Variants in UNC13C observed in about 807,000 individuals in gnomAD.
UNC13C encodes the protein protein unc-13 homolog C.
A neutral mutation model predicts 245.4 loss-of-function variants in UNC13C; 174 were observed. The observed-to-expected ratio is 0.71, with a 90% CI of 0.63 to 0.80. The LOEUF (loss-of-function observed/expected upper bound fraction) is 0.80, where lower values mean the gene tolerates loss of function less well. Among genes scored for constraint, UNC13C ranks in the 30% least tolerant of loss-of-function variants. The pLI is 0.00. For synonymous variants in UNC13C, 992 were observed against 895.1 expected (o/e 1.11, Z -1.93); for missense variants, 2,829 against 2,602.9 (o/e 1.09, Z -1.89).
intron 16 of UNC13C, among the ~76,000 whole-genome samples, chr15:54,335,900 C>T (rs1228938291): frequency 6.6e-6 from 1 of 151,998 alleles, no homozygotes; most frequent in Non-Finnish European, 1.5e-5. Flanking sequence ...GTGAGAGTCC[C>T]AATTGTTCTG....
the UNC13C span, among the ~76,000 whole-genome samples, chr15:53,968,864 C>T: frequency 6.6e-6 from 1 of 152,110 alleles, no homozygotes; most frequent in Non-Finnish European, 1.5e-5. Flanking sequence ...TTTTGAAAAC[C>T]AGCAGATTTA....
chr15:54,094,373 C>T (rs896178994), intron 2 of UNC13C, among the ~76,000 whole-genome samples: 6 of 152,234 alleles, frequency 3.9e-5, no homozygotes, highest in South Asian at 4.2e-4. Flanking sequence ...ATCTTGATAT[C>T]TGCTTCTTGG....
At chr15:53,891,054 G>T in the UNC13C span, among the ~76,000 whole-genome samples, 1 of 152,088 alleles carries the variant, frequency 6.6e-6, no homozygotes, top group East Asian at 1.9e-4. Context: ...GGAGATTCTG[G>T]TATGTTGTGT....
At chr15:54,249,956 A>G (rs951269630) in intron 7 of UNC13C, among the ~76,000 whole-genome samples, 6 of 152,144 alleles carry the variant, frequency 3.9e-5, no homozygotes, top group African/African-American at 1.4e-4. Flanking sequence ...TGCTGCTGGG[A>G]AAGAAGCTGC....
intron 30 of UNC13C, 51 bp downstream of exon 30, chr15:54,567,998 A>G: frequency 7.6e-7 from 1 of 1,321,718 alleles, no homozygotes; most frequent in Non-Finnish European, 1.0e-6. Flanking sequence ...ACTAAAATAA[A>G]ATTTAACATC....
At chr15:54,251,320 T>C (rs1344786025) in intron 8 of UNC13C, among the ~76,000 whole-genome samples, 1 of 152,182 alleles carries the variant, frequency 6.6e-6, no homozygotes, top group African/African-American at 2.4e-5. Context: ...GAAAATATTT[T>C]AACTTCTTGA....
chr15:54,587,253 G>A (rs1180582532), intron 30 of UNC13C, among the ~76,000 whole-genome samples: 1 of 148,558 alleles, frequency 6.7e-6, no homozygotes, highest in East Asian at 1.9e-4. Context: ...GTTGTGTCAT[G>A]TTGATTTTAC....
At chr15:54,515,664 A>G (rs1293405692) in intron 24 of UNC13C, among the ~76,000 whole-genome samples, 3 of 152,150 alleles carry the variant, frequency 2.0e-5, no homozygotes, top group Admixed American at 6.5e-5. Context: ...TATTGGTGCA[A>G]TCGTTTTAAA....
chr15:54,394,684 A>G (rs1187055045), intron 18 of UNC13C, among the ~76,000 whole-genome samples: 3 of 151,930 alleles, frequency 2.0e-5, no homozygotes, highest in African/African-American at 4.8e-5. Context: ...TGAGAAACAC[A>G]AATTCAGTTC....
intron 30 of UNC13C, among the ~76,000 whole-genome samples, chr15:54,580,477 G>A (rs976360991): frequency 3.3e-5 from 5 of 152,236 alleles, no homozygotes; most frequent in Non-Finnish European, 1.5e-5. Flanking sequence ...ACAGGTGAAT[G>A]GAGAGCTATA....
Position 54,024,839 on chromosome 15 carries a change from C to T in UNC13C, c.2983+8953C>T, listed in dbSNP as rs555312209. Among the ~76,000 whole-genome samples the T allele has an allele frequency of 8.1e-4, 123 of 152,076 alleles. 6 individuals carry two copies. The South Asian group carries it at 0.025, about 31-fold the overall frequency. Reference sequence around the variant, plus strand: ...CTGAAGCAGGAGAATGGCGTGAACCCGGGAGGCGGCGCTTGCAGTGAGCCG... The same window carrying T: ...CTGAAGCAGGAGAATGGCGTGAACCTGGGAGGCGGCGCTTGCAGTGAGCCG... On this transcript the variant is annotated intron_variant, in intron 2 of 32. Transcript: ENST00000260323.
the UNC13C span, among the ~76,000 whole-genome samples, chr15:53,921,431 T>C: frequency 6.6e-6 from 1 of 152,218 alleles, no homozygotes; most frequent in African/African-American, 2.4e-5. Flanking sequence ...GACATTTCAT[T>C]GTCAAGATGA....
chr15:54,344,277 T>C (rs1168256977), intron 17 of UNC13C, among the ~76,000 whole-genome samples: 1 of 152,204 alleles, frequency 6.6e-6, no homozygotes, highest in Admixed American at 6.5e-5. Flanking sequence ...ACAACAATGA[T>C]AAACGAACAG....
intron 26 of UNC13C, among the ~76,000 whole-genome samples, chr15:54,536,060 A>T (rs1482175466): frequency 2.0e-5 from 3 of 152,114 alleles, no homozygotes; most frequent in Non-Finnish European, 2.9e-5. Context: ...TTTTGAAAGC[A>T]TAAATAAGAT....
intron 2 of UNC13C, among the ~76,000 whole-genome samples, chr15:54,019,173 A>G (rs945848131): frequency 8.5e-5 from 13 of 152,216 alleles, no homozygotes; most frequent in Non-Finnish European, 1.5e-5. Flanking sequence ...CTGAAAACTT[A>G]CCTAGCTTAA....
Position 54,152,775 on chromosome 15 carries a change from G to A in UNC13C, c.3071+9091G>A, listed in dbSNP as rs567781231. Among the ~76,000 whole-genome samples, 3 of 152,012 alleles carry A rather than the reference G, an allele frequency of 2.0e-5. No individual in the cohort carries two copies. In the South Asian group the frequency reaches 6.2e-4, roughly 32 times the overall value. On this transcript the variant is annotated intron_variant, in intron 4 of 32. Coordinates refer to ENST00000260323, the MANE Select transcript of UNC13C (RefSeq NM_001080534.3). ...GATGGAAAGTGTAAGAAATGCCATG[G>A]TTTCTACACCTACTGGTTCTTTCCA...
intron 19 of UNC13C, among the ~76,000 whole-genome samples, chr15:54,442,323 A>G (rs1283804081): frequency 6.7e-6 from 1 of 149,350 alleles, no homozygotes; most frequent in African/African-American, 2.5e-5. Flanking sequence ...CCCAGATTCA[A>G]GCGATTCTTC....
At chr15:53,953,304 C>G in the UNC13C span, among the ~76,000 whole-genome samples, 5 of 152,190 alleles carry the variant, frequency 3.3e-5, no homozygotes, top group African/African-American at 1.2e-4. Flanking sequence ...CTTTTAAGAG[C>G]TTGCCAGCTA....
intron 17 of UNC13C, among the ~76,000 whole-genome samples, chr15:54,342,565 TA>T (rs35987958): frequency 0.25 from 37,381 of 147,424 alleles, 5,020 homozygotes; most frequent in Admixed American, 0.35. Flanking sequence ...TATCTCTATT[TA>T]AAAAAAAAAA....
Sources: gnomAD v4.1 joint callset for allele counts (sites outside exome capture counted in the v4.1 genomes callset) on GRCh38, gnomAD v4.1.1 for gene constraint, MANE v1.5 for transcripts, NCBI Gene and HGNC (gene_info 2026-07-23, HGNC 2026-07-21) for gene names.